SUN2: variants seen among roughly 807,000 people sequenced by gnomAD.
The protein encoded by SUN2 is SUN domain-containing protein 2.
In SUN2, 60 loss-of-function variants were observed where a neutral mutation model predicts 100.0. The observed-to-expected ratio is 0.60, with a 90% CI of 0.49 to 0.74. The LOEUF (loss-of-function observed/expected upper bound fraction) is 0.74, where lower values mean the gene tolerates loss of function less well. Ranked by LOEUF, SUN2 falls within the 30% of genes least tolerant of loss-of-function variation. SUN2 has a pLI of 0.00. For synonymous variants in SUN2, 367 were observed against 403.3 expected (o/e 0.91, Z 1.08); for missense variants, 834 against 954.6 (o/e 0.87, Z 1.66).
In SUN2 at chr22:38,739,975, G is replaced by T. The variant is rs888762468; in HGVS notation, c.1357-32C>A. ...GAACCCAAAGGGGTGTCACCCTGGGGGGCTTGCAGGGACAGCAGGAGCTGC... is the reference window on the plus strand; with the variant it reads ...GAACCCAAAGGGGTGTCACCCTGGGTGGCTTGCAGGGACAGCAGGAGCTGC... On this transcript the variant is annotated intron_variant, in intron 12 of 17. Transcript: ENST00000689035. The surrounding 1 kb of genome is among the most constrained non-coding windows in gnomAD (Gnocchi z 6.7). The T allele has an allele frequency of 5.0e-6, 8 of 1,597,052 alleles. No individual in the cohort carries two copies. Among genetic ancestry groups the T allele is most frequent in the Non-Finnish European group, 6.8e-6 (8 of 1,174,082 alleles).
chr22:38,736,280 T>A lies in SUN2; in HGVS notation c.2141A>T (p.Glu714Val). Reference protein sequence around the residue: ...TCIYRFRVHGEPAH With the variant: ...TCIYRFRVHGVPAH The stretch of plus-strand genomic sequence containing the variant: ...CAGTAAGCAGGGCTAGTGGGCGGGC[T>A]CCCCATGCACTCTGAAGCGGTAGAT... The change falls in exon 18 of 18, where the codon GAG becomes GTG. Residue 714 changes from glutamate to valine, a missense_variant. Glu to Val is a moderately radical substitution (Grantham distance 121). Around this residue, in one of 3 missense-constraint regions of SUN2, gnomAD observed 80 missense variants for 76.7 expected, o/e 1.04. Coordinates refer to ENST00000689035, the MANE Select transcript of SUN2 (RefSeq NM_015374.3). 6.2e-7 allele frequency: 1 copy of A among 1,612,954 alleles called. No individual in the cohort carries two copies. The highest frequency in any genetic ancestry group is 8.5e-7 in the Non-Finnish European group (1 of 1,179,390).
At position 38,755,680 on chromosome 22, in the gene SUN2, C is replaced by G; in HGVS notation, c.-38+83G>C. 1 of 978,818 alleles carries G rather than the reference C, an allele frequency of 1.0e-6. No individual in the cohort carries two copies. Among genetic ancestry groups the G allele is most frequent in the Non-Finnish European group, 1.2e-6 (1 of 824,026 alleles). The allele number at this position is 978,818 out of a possible 1,614,324, so 60.6% of individuals were successfully genotyped here. On this transcript the variant is annotated intron_variant, in intron 1 of 17. Coordinates refer to ENST00000689035, the MANE Select transcript of SUN2 (RefSeq NM_015374.3). The surrounding 1 kb of genome is among the most constrained non-coding windows in gnomAD (Gnocchi z 5.7). ...GGAGGAAGCAGGCCTGGCGGCGCGGCCCCGCCCGAGTGGCCCGACGGTGAC... is the reference window on the plus strand; with the variant it reads ...GGAGGAAGCAGGCCTGGCGGCGCGGGCCCGCCCGAGTGGCCCGACGGTGAC...
At chr22:38,748,846 C>G in intron 6 of SUN2, 63 bp from the exon 7 acceptor site, 1 of 1,529,636 alleles carries the variant, frequency 6.5e-7, no homozygotes, top group Non-Finnish European at 9.1e-7. Context: ...CAGGCCTCCA[C>G]GTTCCACCCA....
rs1382380490 is a variant in SUN2, at chr22:38,734,768, A to C, written c.*1499T>G. The C allele has an allele frequency of 5.7e-6, 1 of 176,566 alleles. No individual in the cohort carries two copies. The highest frequency in any genetic ancestry group is 2.4e-5 in the African/African-American group (1 of 41,594). The allele number at this position is 176,566 out of a possible 1,614,324, so 10.9% of individuals were successfully genotyped here. A position where few individuals can be genotyped will look rare whatever the true frequency, so the allele number is the denominator to read the frequency against. ...TCATTTATTTTTTGCATAGGCATAAATTAGGATCTGGAGATAAAAAACTTA... is the reference window on the plus strand; with the variant it reads ...TCATTTATTTTTTGCATAGGCATAACTTAGGATCTGGAGATAAAAAACTTA... On this transcript the variant is annotated 3_prime_UTR_variant, in exon 18 of 18. Coordinates refer to ENST00000689035, the MANE Select transcript of SUN2 (RefSeq NM_015374.3).
rs201937936 is a variant in SUN2 at position 38,750,309 on chromosome 22, C to T, written c.436G>A (p.Val146Met). 28 of 1,613,996 alleles carry T rather than the reference C, an allele frequency of 1.7e-5. No homozygotes were observed. The African/African-American group carries it at 3.1e-4, about 18-fold the overall frequency. Residue 146 changes from valine to methionine, a missense_variant, in exon 5 of 18, where the codon GTG becomes ATG. Val to Met is a conservative substitution (Grantham distance 21). This residue lies in a region of SUN2 where 559 missense variants were observed against 597.7 expected (regional missense o/e 0.94). Transcript: ENST00000689035. ...CGCGAGCTGGAACTCTGCTGGTCCACATCCGAGTAGCCTGCGGGGAACGAG... is the reference window on the plus strand; with the variant it reads ...CGCGAGCTGGAACTCTGCTGGTCCATATCCGAGTAGCCTGCGGGGAACGAG... Reference protein sequence around the residue: ...SEDDYVGYSDVDQQSSSSRLR... With the variant: ...SEDDYVGYSDMDQQSSSSRLR...
Position 38,738,797 on chromosome 22 carries a change from A to G in SUN2, c.1780-43T>C, listed in dbSNP as rs1215630987. 1 of 1,604,614 alleles carries G rather than the reference A, an allele frequency of 6.2e-7. No homozygotes were observed. Among genetic ancestry groups the G allele is most frequent in the Non-Finnish European group, 8.5e-7 (1 of 1,173,768 alleles). On this transcript the variant is annotated intron_variant, in intron 15 of 17. Transcript: ENST00000689035. This position sits in a 1 kb window ranked among gnomAD's most constrained non-coding sequence, Gnocchi z 6.6. The stretch of plus-strand genomic sequence containing the variant: ...CATGTCAGGACAGGGCCCTGAGTCC[A>G]GCTCTTGCTGACCCCAGATGGGACC...
chr22:38,752,331 G>A (rs1053192693), intron 2 of SUN2, among the ~76,000 whole-genome samples, 176 bp downstream of exon 2: 3 of 152,242 alleles, frequency 2.0e-5, no homozygotes, highest in East Asian at 1.9e-4. Flanking sequence ...GGTGCTGTGT[G>A]CTCATACACA....
chr22:38,754,509 T>C, intron 1 of SUN2: 1 of 723,336 alleles, frequency 1.4e-6, no homozygotes, highest in Middle Eastern at 5.4e-4. Flanking sequence ...CCCCTCTACT[T>C]TTAGCTGGTG....
intron 1 of SUN2, among the ~76,000 whole-genome samples, chr22:38,754,443 C>G (rs567190608): frequency 1.6e-4 from 25 of 152,326 alleles, no homozygotes; most frequent in Admixed American, 1.2e-3. Context: ...GAAAAACAAG[C>G]AGCCTCATGT....
At chr22:38,744,697 G>A (rs1353492119) in intron 8 of SUN2, among the ~76,000 whole-genome samples, 3 of 152,118 alleles carry the variant, frequency 2.0e-5, no homozygotes. Flanking sequence ...ATAAAGACAG[G>A]GCCTCACTGT....
At chr22:38,745,864 G>T in intron 7 of SUN2, 53 bp from the exon 8 acceptor site, 1 of 1,591,930 alleles carries the variant, frequency 6.3e-7, no homozygotes. Context: ...CAAGAGGCGC[G>T]CGCCAGGGAG....
At position 38,740,308 on chromosome 22, in the gene SUN2, C is replaced by G; in HGVS notation, c.1315G>C (p.Val439Leu). Residue 439 changes from valine to leucine, a missense_variant, in exon 12 of 18, where the codon GTG becomes CTG. This residue lies in a region of SUN2 where 559 missense variants were observed against 597.7 expected (regional missense o/e 0.94). Transcript: ENST00000689035. The surrounding 1 kb of genome is among the most constrained non-coding windows in gnomAD (Gnocchi z 4.8). The stretch of plus-strand genomic sequence containing the variant: ...TGGATCTGCTGGGGCAGCAGGCCCA[C>G]TTCTTCCGCCACCGAGCTCTGCTTC... ...ALKQSSVAEE[V>L]GLLPQQIQAV... 6.2e-7 allele frequency: 1 copy of G among 1,604,282 alleles called. No individual in the cohort carries two copies. Among genetic ancestry groups the G allele is most frequent in the Non-Finnish European group, 8.5e-7 (1 of 1,176,270 alleles).
rs2092789269 is a variant in SUN2, at chr22:38,734,965, C to T, written c.*1302G>A. On this transcript the variant is annotated 3_prime_UTR_variant, in exon 18 of 18. Coordinates refer to ENST00000689035, the MANE Select transcript of SUN2 (RefSeq NM_015374.3). ...CGCCTTCTTGCCCCTTCCCCGCAGC[C>T]AGACCACCAGACACAGCCGGAACCA... 1.5e-5 allele frequency: 4 copies of T among 269,692 alleles called. No individual in the cohort carries two copies. The highest frequency in any genetic ancestry group is 6.8e-5 in the African/African-American group (3 of 44,176). The allele number at this position is 269,692 out of a possible 1,614,324, so 16.7% of individuals were successfully genotyped here.
At position 38,755,050 on chromosome 22, in the gene SUN2, A is replaced by C; in HGVS notation, c.-38+713T>G. Reference sequence around the variant, plus strand: ...CCTAACAATCAGTTAGGAAACGCTCATCGGAAAGCATCCTTCCCCACTTCT... The same window carrying C: ...CCTAACAATCAGTTAGGAAACGCTCCTCGGAAAGCATCCTTCCCCACTTCT... On this transcript the variant is annotated intron_variant, in intron 1 of 17. Coordinates refer to ENST00000689035, the MANE Select transcript of SUN2 (RefSeq NM_015374.3). The surrounding 1 kb of genome is among the most constrained non-coding windows in gnomAD (Gnocchi z 5.7). 1 of 1,099,512 alleles carries C rather than the reference A, an allele frequency of 9.1e-7. No individual in the cohort carries two copies. The highest frequency in any genetic ancestry group is 1.2e-6 in the Non-Finnish European group (1 of 854,604). The allele number at this position is 1,099,512 out of a possible 1,614,324, so 68.1% of individuals were successfully genotyped here.
Position 38,752,676 on chromosome 22 carries a change from A to C in SUN2, c.-37-11T>G. ...TCCCCTGAAGAGAATCTAAGGAGAG[A>C]GAGGAGGAGGACTGGATGTGAGGCC... On this transcript the variant is annotated splice_polypyrimidine_tract_variant and intron_variant, in intron 1 of 17. Coordinates refer to ENST00000689035, the MANE Select transcript of SUN2 (RefSeq NM_015374.3). 1 of 1,604,566 alleles carries C rather than the reference A, an allele frequency of 6.2e-7. No homozygotes were observed. The highest frequency in any genetic ancestry group is 8.5e-7 in the Non-Finnish European group (1 of 1,176,756).
Position 38,738,193 on chromosome 22 carries a change from T to C in SUN2, c.2020A>G (p.Ile674Val). The C allele has an allele frequency of 6.2e-7, 1 of 1,613,936 alleles. No homozygotes were observed. Among genetic ancestry groups the C allele is most frequent in the African/African-American group, 1.3e-5 (1 of 75,010 alleles). Reference protein sequence around the residue: ...KFTYDQDGEPIQTFHFQAPTM... With the variant: ...KFTYDQDGEPVQTFHFQAPTM... ...CGTACCTGAAAGTGAAACGTCTGAATAGGCTCGCCGTCCTGATCGTAAGTG... is the reference window on the plus strand; with the variant it reads ...CGTACCTGAAAGTGAAACGTCTGAACAGGCTCGCCGTCCTGATCGTAAGTG... Residue 674 changes from isoleucine to valine, a missense_variant, in exon 17 of 18, where the codon ATT becomes GTT. Coordinates refer to ENST00000689035, the MANE Select transcript of SUN2 (RefSeq NM_015374.3). The surrounding 1 kb of genome is among the most constrained non-coding windows in gnomAD (Gnocchi z 6.6).
Position 38,736,348 on chromosome 22 carries a change from C to T in SUN2, c.2073G>A (p.Glu691=). 6.2e-7 allele frequency: 1 copy of T among 1,613,980 alleles called. No individual in the cohort carries two copies. The highest frequency in any genetic ancestry group is 8.5e-7 in the Non-Finnish European group (1 of 1,179,894). ...GGCCCCAGTTAGTCAGGATCCGCAGCTCCACCACCTGGTACGTGGCCATCG... is the reference window on the plus strand; with the variant it reads ...GGCCCCAGTTAGTCAGGATCCGCAGTTCCACCACCTGGTACGTGGCCATCG... The part of the protein sequence containing the change: ...APTMATYQVV[E]LRILTNWGHP... Residue 691 remains glutamate, a synonymous_variant, in exon 18 of 18, where the codon GAG becomes GAA. Coordinates refer to ENST00000689035, the MANE Select transcript of SUN2 (RefSeq NM_015374.3).
In SUN2 at chr22:38,738,720, T is replaced by A. The variant is rs773014476; in HGVS notation, c.1814A>T (p.Gln605Leu). ...DVHPGNCWAFQGPQGFAVVRL... is the reference protein window; with the variant it reads ...DVHPGNCWAFLGPQGFAVVRL... ...GACCACGGCGAAGCCTTGTGGCCCC[T>A]GGAAGGCCCAGCAGTTGCCTGGGTG... Residue 605 changes from glutamine to leucine, a missense_variant, in exon 16 of 18, where the codon CAG (glutamine) becomes CTG (leucine). By Grantham distance (113) the Gln-to-Leu change is moderately radical. Transcript: ENST00000689035. The surrounding 1 kb of genome is among the most constrained non-coding windows in gnomAD (Gnocchi z 6.6). 6.2e-7 allele frequency: 1 copy of A among 1,613,628 alleles called. No individual in the cohort carries two copies. The highest frequency in any genetic ancestry group is 1.1e-5 in the South Asian group (1 of 91,080).
At chr22:38,741,879 G>A (rs906127848) in intron 9 of SUN2, among the ~76,000 whole-genome samples, 6 of 152,212 alleles carry the variant, frequency 3.9e-5, no homozygotes, top group Non-Finnish European at 7.3e-5. Context: ...GGTGGCTCAC[G>A]CCTGTAATCC....
Sources: allele counts gnomAD v4.1 joint callset (sites outside exome capture counted in the v4.1 genomes callset), GRCh38; gene constraint gnomAD v4.1.1; regional missense constraint gnomAD v4.1.1; non-coding constraint Gnocchi (gnomAD v3.1); transcripts MANE v1.5; gene names NCBI Gene and HGNC (gene_info 2026-07-23, HGNC 2026-07-21).